Variants in SSBP3 observed in about 807,000 individuals in gnomAD.
SSBP3 encodes single stranded DNA binding protein 3, also known as single-stranded DNA-binding protein 3.
Under a neutral mutation model 69.6 loss-of-function variants are expected in SSBP3, and 5 were observed. The observed-to-expected ratio is 0.07, with a 90% CI of 0.04 to 0.15. The LOEUF (loss-of-function observed/expected upper bound fraction) is 0.15. Ranked by LOEUF, SSBP3 falls within the 10% of genes least tolerant of loss-of-function variation. The pLI, the probability that SSBP3 is intolerant of heterozygous loss-of-function variation, is 1.00. For missense variants in SSBP3, 312 were observed against 534.0 expected (o/e 0.58, Z 4.10); for synonymous variants, 196 against 193.4 (o/e 1.01, Z -0.11).
intron 4 of SSBP3, among the ~76,000 whole-genome samples, chr1:54,346,671 C>T (rs1054710538): frequency 6.6e-6 from 1 of 151,862 alleles, no homozygotes; most frequent in African/African-American, 2.4e-5. Context: ...AAAAATTGGC[C>T]GGGCATGGTC....
chr1:54,284,671 G>A (rs1645455403), intron 4 of SSBP3, among the ~76,000 whole-genome samples: 2 of 151,860 alleles, frequency 1.3e-5, no homozygotes, highest in Non-Finnish European at 2.9e-5. Flanking sequence ...GTCTCACTAT[G>A]TTGCCCAGGC....
chr1:54,242,383 G>A (rs1349665864), intron 10 of SSBP3, among the ~76,000 whole-genome samples, 171 bp from the exon 11 acceptor site: 2 of 152,202 alleles, frequency 1.3e-5, no homozygotes, highest in Non-Finnish European at 2.9e-5. Context: ...TTCATGGGTG[G>A]AAATCTATGA....
At chr1:54,369,758 C>A (rs546500656) in intron 4 of SSBP3, among the ~76,000 whole-genome samples, 2 of 151,908 alleles carry the variant, frequency 1.3e-5, no homozygotes, top group South Asian at 4.2e-4. Flanking sequence ...ACGCTCAGAA[C>A]AGAATCAGAT....
chr1:54,401,749 G>GC (rs890854094), intron 4 of SSBP3, 112 bp downstream of exon 4: 66 of 828,634 alleles, frequency 8.0e-5, no homozygotes, highest in Non-Finnish European at 1.2e-4. Context: ...AGAAAGAAAC[G>GC]CAAGAAGCAA....
At chr1:54,348,745 C>G (rs1003782993) in intron 4 of SSBP3, among the ~76,000 whole-genome samples, 1 of 152,218 alleles carries the variant, frequency 6.6e-6, no homozygotes, top group Admixed American at 6.5e-5. Flanking sequence ...CTCACTTCCC[C>G]ACCATAGATA....
At chr1:54,350,838 A>T (rs1009861328) in intron 4 of SSBP3, among the ~76,000 whole-genome samples, 15 of 152,052 alleles carry the variant, frequency 9.9e-5, no homozygotes, top group Non-Finnish European at 2.2e-4. Flanking sequence ...ACAGCTTCTC[A>T]GATGCTTTTT....
In SSBP3 at chr1:54,249,921, T is replaced by C. The variant is rs535109838; in HGVS notation, c.651+1695A>G. Among the ~76,000 whole-genome samples, 598 of 152,288 alleles carry C rather than the reference T, an allele frequency of 3.9e-3. 5 individuals carry two copies. Among genetic ancestry groups the C allele is most frequent in the Non-Finnish European group, 5.0e-3 (337 of 68,008 alleles). ...CATGGGCTGGGCGGTGGCATTCGAT[T>C]TTCCCTCCTCAGATTCCATCCTCCT... On this transcript the variant is annotated intron_variant, in intron 9 of 17. Coordinates refer to ENST00000610401, the Ensembl canonical transcript of SSBP3.
intron 4 of SSBP3, among the ~76,000 whole-genome samples, chr1:54,363,216 C>T (rs1188332027): frequency 6.6e-6 from 1 of 152,162 alleles, no homozygotes; most frequent in African/African-American, 2.4e-5. Flanking sequence ...ATCACAGCCA[C>T]ATGAACTTTC....
intron 4 of SSBP3, among the ~76,000 whole-genome samples, chr1:54,399,849 C>A (rs1487560692): frequency 6.6e-6 from 1 of 152,202 alleles, no homozygotes; most frequent in Non-Finnish European, 1.5e-5. Flanking sequence ...TGTCACCCCT[C>A]CAACTCAATG....
chr1:54,314,155 G>A (rs1646055317), intron 4 of SSBP3, among the ~76,000 whole-genome samples: 1 of 152,202 alleles, frequency 6.6e-6, no homozygotes, highest in African/African-American at 2.4e-5. Flanking sequence ...CAGTTACTAA[G>A]GAGCAGAGTT....
chr1:54,410,254 T>TC (rs1257154345), upstream of SSBP3, among the ~76,000 whole-genome samples: 2 of 152,180 alleles, frequency 1.3e-5, no homozygotes, highest in Non-Finnish European at 2.9e-5. Context: ...GGCCGCTCCT[T>TC]CCTCTCTTGG....
intron 1 of SSBP3, 24 bp from the exon 2 acceptor site, chr1:54,404,954 G>T: frequency 6.3e-7 from 1 of 1,599,256 alleles, no homozygotes; most frequent in Non-Finnish European, 8.6e-7. Context: ...AGGGGGCAAA[G>T]AGAGAGAGGG....
upstream of SSBP3, among the ~76,000 whole-genome samples, chr1:54,406,774 G>C (rs893853784): frequency 1.3e-5 from 2 of 151,666 alleles, no homozygotes; most frequent in African/African-American, 4.8e-5. Flanking sequence ...CGATGGGAGG[G>C]GGCGCAGACC....
chr1:54,310,913 A>T (rs1486615472), intron 4 of SSBP3, among the ~76,000 whole-genome samples: 3 of 152,174 alleles, frequency 2.0e-5, no homozygotes, highest in Admixed American at 1.3e-4. Flanking sequence ...GTGAGCATGA[A>T]TGCTTTTGGG....
intron 4 of SSBP3, among the ~76,000 whole-genome samples, chr1:54,392,876 C>T (rs190421841): frequency 2.6e-5 from 4 of 152,158 alleles, no homozygotes; most frequent in Non-Finnish European, 5.9e-5. Flanking sequence ...TGGTAACAAA[C>T]GACTAGGAGA....
At chr1:54,256,058 A>G (rs1027113806) in intron 7 of SSBP3, among the ~76,000 whole-genome samples, 1 of 152,030 alleles carries the variant, frequency 6.6e-6, no homozygotes. Context: ...CCTGGGAGAC[A>G]GAGCGAGACT....
intron 4 of SSBP3, among the ~76,000 whole-genome samples, chr1:54,304,301 C>T (rs1645857718): frequency 6.6e-6 from 1 of 152,026 alleles, no homozygotes; most frequent in African/African-American, 2.4e-5. Context: ...GGAATGATGC[C>T]TCCATGAGAC....
At chr1:54,330,249 G>C (rs1020358399) in intron 4 of SSBP3, among the ~76,000 whole-genome samples, 1 of 152,148 alleles carries the variant, frequency 6.6e-6, no homozygotes, top group Non-Finnish European at 1.5e-5. Flanking sequence ...CCACCAGCAA[G>C]GAGGGAGGAC....
intron 9 of SSBP3, 137 bp from the exon 10 acceptor site, chr1:54,243,436 T>A: frequency 9.1e-7 from 1 of 1,094,186 alleles, no homozygotes; most frequent in Non-Finnish European, 1.4e-6. Flanking sequence ...ATACATTCTT[T>A]CAAAAACGGT....
Sources: gnomAD v4.1 joint callset for allele counts (sites outside exome capture counted in the v4.1 genomes callset) on GRCh38, gnomAD v4.1.1 for gene constraint, MANE v1.5 for transcripts, NCBI Gene and HGNC (gene_info 2026-07-23, HGNC 2026-07-21) for gene names.